The following MITF variants were observed in gnomAD, a reference collection of about 807,000 sequenced individuals.
MITF encodes microphthalmia-associated transcription factor.
Under a neutral mutation model 60.5 loss-of-function variants are expected in MITF, and 17 were observed. The observed-to-expected ratio is 0.28, with a 90% confidence interval of 0.19 to 0.42. The LOEUF (loss-of-function observed/expected upper bound fraction) is 0.42. Among genes scored for constraint, MITF ranks in the 10% least tolerant of loss-of-function variants. The probability of loss-of-function intolerance (pLI) is 1.00; values close to 1 mark genes in which losing one functional copy is unlikely to be tolerated. For synonymous variants in MITF, 260 were observed against 248.5 expected (o/e 1.05, Z -0.43); for missense variants, 622 against 683.5 (o/e 0.91, Z 1.00).
At chr3:69,802,705 T>TTG (rs2062941694) in intron 1 of MITF, among the ~76,000 whole-genome samples, 2 of 149,174 alleles carry the variant, frequency 1.3e-5, no homozygotes, top group Non-Finnish European at 3.0e-5. Context: ...TTTTTTTTTT[T>TTG]TTTTAGAGGA....
rs1332839302 is a variant in MITF at position 69,965,171 on chromosome 3, T to A, written c.1504T>A (p.Ser502Thr). Residue 502 changes from serine to threonine, a missense_variant, in exon 10 of 10, where the codon TCA becomes ACA. Ser to Thr is a moderately conservative substitution (Grantham distance 58, BLOSUM62 1). Transcript: ENST00000352241. ...PVGVTDPLLSSVSPGASKTSS... is the reference protein window; with the variant it reads ...PVGVTDPLLSTVSPGASKTSS... ...CGGTGTCACTGATCCACTCCTTTCC[T>A]CAGTGTCCCCCGGAGCTTCCAAAAC... 1 of 1,613,902 alleles carries A rather than the reference T, an allele frequency of 6.2e-7. No individual in the cohort carries two copies. Among genetic ancestry groups the A allele is most frequent in the Non-Finnish European group, 8.5e-7 (1 of 1,179,890 alleles).
chr3:69,885,943 C>T (rs79703602), intron 2 of MITF, among the ~76,000 whole-genome samples: 3 of 152,188 alleles, frequency 2.0e-5, no homozygotes, highest in African/African-American at 7.2e-5. Flanking sequence ...CATTTAATGC[C>T]ACCATTGCTC....
At chr3:69,858,052 T>C (rs187480736) in intron 1 of MITF, among the ~76,000 whole-genome samples, 42 of 152,214 alleles carry the variant, frequency 2.8e-4, no homozygotes, top group Middle Eastern at 6.8e-3. Flanking sequence ...TTAGGCATTA[T>C]TTTTTTAAGA....
At chr3:69,890,445 G>A (rs2064734265) in intron 2 of MITF, among the ~76,000 whole-genome samples, 1 of 152,118 alleles carries the variant, frequency 6.6e-6, no homozygotes, top group African/African-American at 2.4e-5. Context: ...GAATATATGA[G>A]CATTTAATCA....
In MITF at chr3:69,965,141, C is replaced by T. The variant is rs781298935; in HGVS notation, c.1474C>T (p.Pro492Ser). Residue 492 changes from proline (P) to serine (S), a missense_variant, in exon 10 of 10, where the codon CCC becomes TCC. Coordinates refer to ENST00000352241, the MANE Select transcript of MITF (RefSeq NM_001354604.2). ...CATCCTGATGGACGACACCCTTTCT[C>T]CCGTCGGTGTCACTGATCCACTCCT... ...EDILMDDTLSPVGVTDPLLSS... is the reference protein window; with the variant it reads ...EDILMDDTLSSVGVTDPLLSS... The T allele has an allele frequency of 5.3e-5, 85 of 1,613,976 alleles. No individual in the cohort carries two copies. Among genetic ancestry groups the T allele is most frequent in the African/African-American group, 8.0e-5 (6 of 74,922 alleles).
At chr3:69,943,991 G>A (rs1350137044) in intron 5 of MITF, among the ~76,000 whole-genome samples, 1 of 152,088 alleles carries the variant, frequency 6.6e-6, no homozygotes, top group Non-Finnish European at 1.5e-5. Context: ...CTACTCAGGA[G>A]GCTGAGATGG....
intron 1 of MITF, among the ~76,000 whole-genome samples, chr3:69,781,518 G>A (rs2062563984): frequency 6.6e-6 from 1 of 152,134 alleles, no homozygotes. Context: ...CCAGGGCCCT[G>A]TGCACCTGCA....
At chr3:69,880,014 T>G (rs1244963062) in intron 2 of MITF, among the ~76,000 whole-genome samples, 1 of 151,972 alleles carries the variant, frequency 6.6e-6, no homozygotes, top group African/African-American at 2.4e-5. Context: ...AGTCTAAGAA[T>G]AGAATTCCAT....
At chr3:69,751,361 A>G (rs147333954) in intron 1 of MITF, among the ~76,000 whole-genome samples, 170 of 152,300 alleles carry the variant, frequency 1.1e-3, no homozygotes, top group Non-Finnish European at 1.6e-3. Context: ...ATGTCCTGAC[A>G]TAATGGAATC....
At chr3:69,884,981 T>G (rs573206009) in intron 2 of MITF, among the ~76,000 whole-genome samples, 35 of 152,252 alleles carry the variant, frequency 2.3e-4, no homozygotes, top group Non-Finnish European at 4.3e-4. Flanking sequence ...TACATGTTCA[T>G]TGGGCAATAT....
rs941177549 is a variant in MITF, at chr3:69,964,974, T to G, written c.1307T>G (p.Leu436Arg). 6.2e-7 allele frequency: 1 copy of G among 1,614,030 alleles called. No homozygotes were observed. Among genetic ancestry groups the G allele is most frequent in the African/African-American group, 1.3e-5 (1 of 74,914 alleles). ...PVLENCSQDL[L>R]QHHADLTCTT... ...CTTGAGAACTGCAGCCAAGACCTCC[T>G]TCAGCATCATGCAGACCTAACCTGT... The change falls in exon 10 of 10, where the codon CTT (leucine) becomes CGT (arginine). Residue 436 changes from leucine to arginine, a missense_variant. Leu to Arg is a moderately radical substitution (Grantham distance 102). Around this residue, in one of 5 missense-constraint regions of MITF, gnomAD observed 224 missense variants for 209.5 expected, o/e 1.07. Transcript: ENST00000352241.
intron 1 of MITF, among the ~76,000 whole-genome samples, chr3:69,802,104 G>T (rs2062930849): frequency 6.6e-6 from 1 of 152,128 alleles, no homozygotes; most frequent in South Asian, 2.1e-4. Flanking sequence ...CAAGAGATTT[G>T]CCTAGAGCAG....
intron 1 of MITF, among the ~76,000 whole-genome samples, chr3:69,831,112 A>C (rs1382570955): frequency 6.6e-6 from 1 of 152,168 alleles, no homozygotes; most frequent in Non-Finnish European, 1.5e-5. Context: ...TGTGTCAAGC[A>C]GTTAGCATAG....
chr3:69,754,722 A>G (rs2106780443), intron 1 of MITF, among the ~76,000 whole-genome samples: 1 of 152,094 alleles, frequency 6.6e-6, no homozygotes, highest in Non-Finnish European at 1.5e-5. Flanking sequence ...AGGACAGTGC[A>G]TAATAATATG....
intron 2 of MITF, among the ~76,000 whole-genome samples, chr3:69,880,589 T>A (rs868580423): frequency 6.6e-6 from 1 of 152,218 alleles, no homozygotes; most frequent in Non-Finnish European, 1.5e-5. Context: ...CTTTCTTTTT[T>A]TACCCGTCAG....
intron 1 of MITF, among the ~76,000 whole-genome samples, chr3:69,794,105 C>A (rs1164608846): frequency 6.6e-6 from 1 of 152,194 alleles, no homozygotes; most frequent in African/African-American, 2.4e-5. Flanking sequence ...CTCCTAGTAT[C>A]TTTTCTACAG....
chr3:69,826,754 T>A (rs1042819048), intron 1 of MITF, among the ~76,000 whole-genome samples: 1 of 152,318 alleles, frequency 6.6e-6, no homozygotes, highest in Admixed American at 6.5e-5. Flanking sequence ...GACACATAAG[T>A]ACTCAAATAA....
At chr3:69,922,277 G>A (rs565113118) in intron 2 of MITF, among the ~76,000 whole-genome samples, 44 of 151,974 alleles carry the variant, frequency 2.9e-4, no homozygotes, top group Non-Finnish European at 4.9e-4. Flanking sequence ...GCTGGAGTGC[G>A]GTGGCACAAT....
intron 2 of MITF, among the ~76,000 whole-genome samples, chr3:69,918,570 T>G (rs114256942): frequency 1.3e-5 from 2 of 152,264 alleles, no homozygotes; most frequent in Non-Finnish European, 2.9e-5. Flanking sequence ...CCTGCATATT[T>G]GGTTGGTTTG....
Sources: gnomAD v4.1 joint callset for allele counts (sites outside exome capture counted in the v4.1 genomes callset) on GRCh38, gnomAD v4.1.1 for gene constraint, gnomAD v4.1.1 regional missense constraint, MANE v1.5 for transcripts, NCBI Gene and HGNC (gene_info 2026-07-23, HGNC 2026-07-21) for gene names.